Variants in KPNA7 observed in about 807,000 individuals in gnomAD.
KPNA7 encodes the protein karyopherin subunit alpha 7.
KPNA7 carries 54 observed loss-of-function variants against 53.7 expected under a neutral mutation model. The ratio of observed to expected loss-of-function variants is 1.01; its 90% confidence interval spans 0.81 to 1.26. KPNA7 has a LOEUF of 1.26. Ranked by LOEUF, KPNA7 falls within the 50% of genes most tolerant of loss-of-function variation. The pLI, the probability that KPNA7 is intolerant of heterozygous loss-of-function variation, is 0.00. For missense variants in KPNA7, 640 were observed against 644.5 expected, an observed-to-expected ratio of 0.99 and a Z score of 0.07; for synonymous variants, 276 against 259.3, an observed-to-expected ratio of 1.06 and a Z score of -0.62.
At position 99,180,587 on chromosome 7, in the gene KPNA7, C is replaced by CTCTG. The variant is rs1161719970; in HGVS notation, c.1317+1295_1317+1296insCAGA. On this transcript the variant is annotated intron_variant, in intron 9 of 10. Transcript: ENST00000327442. ...TCTGTCCATCTGTCTCTGTCCATCTCTCCGTCTCTCCGTCTCTGTCTCTCT... is the reference window on the plus strand; with the variant it reads ...TCTGTCCATCTGTCTCTGTCCATCTCTCTGTCCGTCTCTCCGTCTCTGTCTCTCT... Among the ~76,000 whole-genome samples, 27 of 122,368 alleles carry CTCTG rather than the reference C, an allele frequency of 2.2e-4. 3 individuals carry two copies. Among genetic ancestry groups the CTCTG allele is most frequent in the African/African-American group, 4.9e-4 (14 of 28,608 alleles). The allele number at this position is 122,368 out of a possible 152,430, so 80.3% of individuals were successfully genotyped here.
At position 99,193,062 on chromosome 7, in the gene KPNA7, T is replaced by C. The variant is rs1245170795; in HGVS notation, c.593A>G (p.Asn198Ser). 6.6e-7 allele frequency: 1 copy of C among 1,511,786 alleles called. No individual in the cohort carries two copies. Among genetic ancestry groups the C allele is most frequent in the Non-Finnish European group, 8.8e-7 (1 of 1,132,110 alleles). The allele number at this position is 1,511,786 out of a possible 1,614,324, so 93.6% of individuals were successfully genotyped here. A position where few individuals can be genotyped will look rare whatever the true frequency, so the allele number is the denominator to read the frequency against. Reference sequence around the variant, plus strand: ...CAAGGCTAGGAGATGTGGGATGGCATTGCTTGTGATGACGTTATCTCTGAA... The same window carrying C: ...CAAGGCTAGGAGATGTGGGATGGCACTGCTTGTGATGACGTTATCTCTGAA... ...PEFRDNVITS[N>S]AIPHLLALIS... is the part of the protein sequence containing the mutation. The change falls in exon 6 of 11, where the codon AAT becomes AGT. Residue 198 changes from asparagine (N) to serine (S), a missense_variant. By Grantham distance (46) the Asn-to-Ser change is conservative (BLOSUM62 1). Transcript: ENST00000327442.
In KPNA7 at chr7:99,185,167, A is replaced by AACC. The variant is rs1789517633; in HGVS notation, c.901-6_901-5insGGT. The AACC allele has an allele frequency of 1.9e-6, 3 of 1,543,668 alleles. No homozygotes were observed. Among genetic ancestry groups the AACC allele is most frequent in the Non-Finnish European group, 2.6e-6 (3 of 1,139,458 alleles). ...CACGGTGCGGAGAGAAGGAGTCTGG[A>AACC]AGAGCAAGGCTAGAAGTCTAAGTAT... is the stretch of plus-strand genomic sequence containing the variant. On this transcript the variant is annotated splice_region_variant and splice_polypyrimidine_tract_variant and intron_variant, in intron 7 of 10. Coordinates refer to ENST00000327442, the MANE Select transcript of KPNA7 (RefSeq NM_001145715.3).
the KPNA7 span, among the ~76,000 whole-genome samples, chr7:99,152,533 A>G: frequency 2.0e-5 from 3 of 152,172 alleles, no homozygotes; most frequent in South Asian, 2.1e-4. Context: ...AAGTAACTTC[A>G]TGTTTGGTGT....
chr7:99,176,542 A>G (rs1798915139), intron 10 of KPNA7, among the ~76,000 whole-genome samples: 1 of 152,002 alleles, frequency 6.6e-6, no homozygotes, highest in Admixed American at 6.6e-5. Flanking sequence ...TCAAAATGGA[A>G]TTACCACGTA....
intron 2 of KPNA7, 61 bp from the exon 3 acceptor site, chr7:99,203,301 G>C: frequency 2.7e-6 from 4 of 1,499,880 alleles, no homozygotes; most frequent in Non-Finnish European, 3.6e-6. Flanking sequence ...CATTTAGTCT[G>C]TCAAACATGT....
chr7:99,206,816 A>G (rs1355367166), intron 2 of KPNA7, among the ~76,000 whole-genome samples: 1 of 152,168 alleles, frequency 6.6e-6, no homozygotes, highest in African/African-American at 2.4e-5. Context: ...CTGAAATTAA[A>G]TAATTGCAAG....
At chr7:99,190,138 A>G (rs916009655) in intron 6 of KPNA7, among the ~76,000 whole-genome samples, 1 of 151,890 alleles carries the variant, frequency 6.6e-6, no homozygotes, top group Non-Finnish European at 1.5e-5. Context: ...GGGGTTCAAG[A>G]CCAGCCTGGC....
chr7:99,152,812 T>C, the KPNA7 span, among the ~76,000 whole-genome samples: 1 of 152,184 alleles, frequency 6.6e-6, no homozygotes, highest in East Asian at 1.9e-4. Context: ...AGGCCTGTGA[T>C]GTCTTCTCTG....
At position 99,200,801 on chromosome 7, in the gene KPNA7, C is replaced by T. The variant is rs182696524; in HGVS notation, c.201+2305G>A. 7.2e-5 allele frequency among the ~76,000 whole-genome samples: 11 copies of T among 152,238 alleles called. No homozygotes were observed. In the East Asian group the frequency reaches 1.9e-3, roughly 27 times the overall value. On this transcript the variant is annotated intron_variant, in intron 3 of 10. Coordinates refer to ENST00000327442, the MANE Select transcript of KPNA7 (RefSeq NM_001145715.3). ...GACCAGCCTGAACAACATGGTGAAA[C>T]CCCATCTCTACTAAAATATAAAATT... is the stretch of plus-strand genomic sequence containing the variant.
intron 10 of KPNA7, among the ~76,000 whole-genome samples, chr7:99,177,215 G>A (rs1332679871): frequency 6.6e-6 from 1 of 152,174 alleles, no homozygotes; most frequent in African/African-American, 2.4e-5. Context: ...TACTAAAAGG[G>A]CTAGGGGAAA....
rs76696043 is a variant in KPNA7 at position 99,197,536 on chromosome 7, A to T, written c.202-1370T>A. Reference sequence around the variant, plus strand: ...AGACCAGATGTTGAACTAGACAAAGATTTTAAATATAGTCAAAGAACTAAA... The same window carrying T: ...AGACCAGATGTTGAACTAGACAAAGTTTTTAAATATAGTCAAAGAACTAAA... On this transcript the variant is annotated intron_variant, in intron 3 of 10. Transcript: ENST00000327442. Among the ~76,000 whole-genome samples, 500 of 152,330 alleles carry T rather than the reference A, an allele frequency of 3.3e-3. 2 individuals carry two copies. Among genetic ancestry groups the T allele is most frequent in the Non-Finnish European group, 4.4e-3 (301 of 68,030 alleles).
the KPNA7 span, among the ~76,000 whole-genome samples, chr7:99,163,994 G>A: frequency 2.6e-5 from 4 of 151,882 alleles, no homozygotes; most frequent in African/African-American, 7.3e-5. Flanking sequence ...AACAATAGGT[G>A]CTAGAGAGGA....
At position 99,185,109 on chromosome 7, in the gene KPNA7, C is replaced by A. The variant is rs902233417; in HGVS notation, c.954G>T (p.Thr318=). Residue 318 remains threonine (T), a synonymous_variant, in exon 8 of 11, where the codon ACG becomes ACT. Coordinates refer to ENST00000327442, the MANE Select transcript of KPNA7 (RefSeq NM_001145715.3). ...GCATACCCGCATCAATGGCCATCTG[C>A]GTCTGCTCATCTGTGCCCGTGACAA... ...GNIVTGTDEQ[T]QMAIDAGMLN... The A allele has an allele frequency of 6.4e-7, 1 of 1,551,988 alleles. No individual in the cohort carries two copies. Among genetic ancestry groups the A allele is most frequent in the Non-Finnish European group, 8.7e-7 (1 of 1,147,076 alleles).
At chr7:99,179,217 T>C (rs10280276) in intron 9 of KPNA7, among the ~76,000 whole-genome samples, 3,506 of 152,300 alleles carry the variant, frequency 0.023, 136 homozygotes, top group African/African-American at 0.081. Context: ...AAGGAGCTCC[T>C]TGGTGTTACT....
intron 10 of KPNA7, among the ~76,000 whole-genome samples, chr7:99,176,526 A>C (rs1480313903): frequency 6.6e-6 from 1 of 152,108 alleles, no homozygotes; most frequent in Admixed American, 6.6e-5. Context: ...GTAGTTCTTC[A>C]AAAATTCAAA....
chr7:99,166,332 CTTTT>C, the KPNA7 span, among the ~76,000 whole-genome samples: 1 of 148,512 alleles, frequency 6.7e-6, no homozygotes, highest in Non-Finnish European at 1.5e-5. Context: ...TTCCTCGTTA[CTTTT>C]TTTGAGATGG....
At chr7:99,171,531 T>A (rs1798771045), downstream of KPNA7, among the ~76,000 whole-genome samples, 1 of 151,004 alleles carries the variant, frequency 6.6e-6, no homozygotes, top group African/African-American at 2.4e-5. Flanking sequence ...AGCCTCCAAC[T>A]CCCTGGCTCA....
Position 99,173,646 on chromosome 7 carries a change from C to A in KPNA7, c.*62G>T, listed in dbSNP as rs1026648371. ...TGGGTTACACTAAGATAGAGGACTG[C>A]TGCTTCTTAAAGAAGTTATCCTTTA... is the stretch of plus-strand genomic sequence containing the variant. On this transcript the variant is annotated 3_prime_UTR_variant, in exon 11 of 11. Transcript: ENST00000327442. 2.8e-6 allele frequency: 3 copies of A among 1,054,188 alleles called. No individual in the cohort carries two copies. Among genetic ancestry groups the A allele is most frequent in the South Asian group, 2.9e-5 (2 of 68,142 alleles). The allele number at this position is 1,054,188 out of a possible 1,614,324, so 65.3% of individuals were successfully genotyped here.
chr7:99,178,164 G>A (rs1006201463), intron 9 of KPNA7, 98 bp from the exon 10 acceptor site: 1 of 1,035,318 alleles, frequency 9.7e-7, no homozygotes, highest in African/African-American at 1.6e-5. Flanking sequence ...AGTGGAAGCA[G>A]ACCAAAGGCT....
Sources: gnomAD v4.1 joint callset for allele counts (sites outside exome capture counted in the v4.1 genomes callset) on GRCh38, gnomAD v4.1.1 for gene constraint, MANE v1.5 for transcripts, NCBI Gene and HGNC (gene_info 2026-07-23, HGNC 2026-07-21) for gene names.